PTPRK: variants seen among roughly 807,000 people sequenced by gnomAD.
The protein encoded by PTPRK is receptor-type tyrosine-protein phosphatase kappa.
In PTPRK, 75 loss-of-function variants were observed where a neutral mutation model predicts 178.0. The observed-to-expected ratio is 0.42, with a 90% CI of 0.35 to 0.51. The LOEUF (loss-of-function observed/expected upper bound fraction) is 0.51. Among genes scored for constraint, PTPRK ranks in the 20% least tolerant of loss-of-function variants. The pLI, the probability that PTPRK is intolerant of heterozygous loss-of-function variation, is 0.02. For synonymous variants in PTPRK, 637 were observed against 620.6 expected, an observed-to-expected ratio of 1.03 and a Z score of -0.39; for missense variants, 1,441 against 1,797.8, an observed-to-expected ratio of 0.80 and a Z score of 3.59.
chr6:128,107,742 G>C (rs973634793), intron 7 of PTPRK, among the ~76,000 whole-genome samples: 11 of 152,080 alleles, frequency 7.2e-5, no homozygotes. Context: ...AACAATTTGA[G>C]AGATGAAGAT....
At chr6:128,428,003 G>T (rs1844373843) in intron 1 of PTPRK, among the ~76,000 whole-genome samples, 1 of 152,058 alleles carries the variant, frequency 6.6e-6, no homozygotes. Context: ...TGAGGCAGGG[G>T]AATCACTTGA....
In PTPRK at chr6:128,287,412, T is replaced by C. The variant is rs549746431; in HGVS notation, c.495+34627A>G. Among the ~76,000 whole-genome samples, 7 of 152,334 alleles carry C rather than the reference T, an allele frequency of 4.6e-5. No homozygotes were observed. The South Asian group carries it at 1.2e-3, about 27-fold the overall frequency. ...CTGTTTCATGTATTCCACATTTTCA[T>C]GAGCAAATCTTTCATGAGCAAAAGC... On this transcript the variant is annotated intron_variant, in intron 3 of 29. Coordinates refer to ENST00000368226, the MANE Select transcript of PTPRK (RefSeq NM_002844.4).
chr6:128,185,808 C>A lies in PTPRK; in HGVS notation c.869-1083G>T, dbSNP rs368393029. Among the ~76,000 whole-genome samples the A allele has an allele frequency of 1.4e-3, 214 of 152,150 alleles. 2 individuals are homozygous for A. Among genetic ancestry groups the A allele is most frequent in the African/African-American group, 4.9e-3 (204 of 41,534 alleles). ...TAGAGGGAAGTCATGAGCACATAAT[C>A]AATATCTTTCTAGTTGGATTTTTTG... On this transcript the variant is annotated intron_variant, in intron 6 of 29. Transcript: ENST00000368226.
chr6:128,244,264 C>T (rs1375334540), intron 3 of PTPRK, among the ~76,000 whole-genome samples: 2 of 152,088 alleles, frequency 1.3e-5, no homozygotes, highest in Non-Finnish European at 2.9e-5. Context: ...AGAAGATTAT[C>T]AGGGTAAAAT....
intron 13 of PTPRK, among the ~76,000 whole-genome samples, chr6:128,061,731 T>C (rs963199777): frequency 3.3e-5 from 5 of 152,146 alleles, no homozygotes; most frequent in African/African-American, 1.2e-4. Flanking sequence ...CCTCGTCTGA[T>C]AGAAGGAAAC....
At chr6:128,190,934 T>C (rs911881186) in intron 6 of PTPRK, among the ~76,000 whole-genome samples, 4 of 152,178 alleles carry the variant, frequency 2.6e-5, no homozygotes, top group Non-Finnish European at 2.9e-5. Flanking sequence ...TAGGTATCAA[T>C]CAGAAGGAGC....
At chr6:128,158,455 T>G (rs1478269735) in intron 7 of PTPRK, among the ~76,000 whole-genome samples, 1 of 151,874 alleles carries the variant, frequency 6.6e-6, no homozygotes, top group African/African-American at 2.4e-5. Context: ...ACTTTTTAAG[T>G]GAACAGCTTC....
intron 12 of PTPRK, among the ~76,000 whole-genome samples, chr6:128,066,193 T>A (rs7751945): frequency 0.95 from 144,002 of 152,256 alleles, 68,196 homozygotes; most frequent in East Asian, 1. Flanking sequence ...TAACTTCCAT[T>A]GTGTTCTGTT....
intron 7 of PTPRK, among the ~76,000 whole-genome samples, chr6:128,142,494 T>C (rs1411397075): frequency 6.7e-6 from 1 of 149,812 alleles, no homozygotes; most frequent in East Asian, 2.3e-4. Context: ...AGAAAACAAA[T>C]TCTCCCATGT....
intron 1 of PTPRK, among the ~76,000 whole-genome samples, chr6:128,495,688 C>T (rs1377919278): frequency 6.6e-6 from 1 of 152,194 alleles, no homozygotes; most frequent in East Asian, 1.9e-4. Context: ...CCCTTTTTCA[C>T]ACTATACTGA....
At chr6:128,340,718 C>T (rs1831547001) in intron 2 of PTPRK, 2 of 433,236 alleles carry the variant, frequency 4.6e-6, no homozygotes, top group Non-Finnish European at 8.8e-6. Flanking sequence ...TTTGTGGAAC[C>T]AAAAATGCAA....
intron 14 of PTPRK, among the ~76,000 whole-genome samples, chr6:128,006,389 T>A (rs1287910714): frequency 6.6e-6 from 1 of 151,056 alleles, no homozygotes; most frequent in Non-Finnish European, 1.5e-5. Flanking sequence ...TCATCCATTA[T>A]CTAAATATGA....
At chr6:128,215,585 A>G (rs4897252) in intron 6 of PTPRK, among the ~76,000 whole-genome samples, 26,309 of 152,058 alleles carry the variant, frequency 0.17, 5,243 homozygotes, top group African/African-American at 0.47. Flanking sequence ...CTGTTTCTCC[A>G]TACTTTTTTT....
At chr6:128,105,335 G>A (rs558022713) in intron 7 of PTPRK, among the ~76,000 whole-genome samples, 14 of 151,854 alleles carry the variant, frequency 9.2e-5, no homozygotes, top group African/African-American at 1.7e-4. Context: ...GGGTTTCACC[G>A]TGTTAGCCAG....
At chr6:128,486,594 A>T (rs1852926137) in intron 1 of PTPRK, among the ~76,000 whole-genome samples, 1 of 152,136 alleles carries the variant, frequency 6.6e-6, no homozygotes, top group African/African-American at 2.4e-5. Flanking sequence ...GCTTGAACTC[A>T]GGAGTTCAAG....
intron 1 of PTPRK, among the ~76,000 whole-genome samples, chr6:128,434,431 G>A (rs1011548690): frequency 1.4e-4 from 22 of 151,976 alleles, no homozygotes; most frequent in African/African-American, 4.1e-4. Flanking sequence ...CACAACACCC[G>A]GGGCAATTGA....
At chr6:128,110,834 C>T (rs1790531605) in intron 7 of PTPRK, among the ~76,000 whole-genome samples, 1 of 152,116 alleles carries the variant, frequency 6.6e-6, no homozygotes, top group Non-Finnish European at 1.5e-5. Flanking sequence ...GAAACAAGCT[C>T]ACATGGGTTT....
intron 1 of PTPRK, among the ~76,000 whole-genome samples, chr6:128,416,937 A>T (rs1842921751): frequency 1.3e-5 from 2 of 148,888 alleles, no homozygotes. Context: ...ACATAATTTT[A>T]TGGATATAAT....
intron 6 of PTPRK, among the ~76,000 whole-genome samples, chr6:128,215,682 C>CA (rs540275817): frequency 1.0e-3 from 154 of 152,058 alleles, no homozygotes; most frequent in Middle Eastern, 3.4e-3. Context: ...CAAACAGCAA[C>CA]AAAAAAGCCT....
Sources: allele counts gnomAD v4.1 joint callset (sites outside exome capture counted in the v4.1 genomes callset), GRCh38; gene constraint gnomAD v4.1.1; transcripts MANE v1.5; gene names NCBI Gene and HGNC (gene_info 2026-07-23, HGNC 2026-07-21).